KAZN: variants seen among roughly 807,000 people sequenced by gnomAD.
The protein encoded by KAZN is kazrin.
A neutral mutation model predicts 87.4 loss-of-function variants in KAZN; 40 were observed. That is an observed-to-expected ratio of 0.46 (90% CI 0.36 to 0.60). KAZN has a LOEUF of 0.60. Among genes scored for constraint, KAZN ranks in the 20% least tolerant of loss-of-function variants. The probability of loss-of-function intolerance (pLI) is 0.00; values close to 1 mark genes in which losing one functional copy is unlikely to be tolerated. For synonymous variants in KAZN, 466 were observed against 458.3 expected (o/e 1.02, Z -0.22); for missense variants, 898 against 1,073.9 (o/e 0.84, Z 2.29).
intron 1 of KAZN, among the ~76,000 whole-genome samples, chr1:14,102,672 G>A (rs1644283439): frequency 1.3e-5 from 2 of 152,136 alleles, no homozygotes; most frequent in Non-Finnish European, 2.9e-5. Context: ...GCCCTCTATG[G>A]TGAGCTCCGT....
chr1:14,039,934 T>C (rs1461629434), intron 1 of KAZN, among the ~76,000 whole-genome samples: 1 of 152,244 alleles, frequency 6.6e-6, no homozygotes, highest in African/African-American at 2.4e-5. Flanking sequence ...CTAGCAACGA[T>C]ACTGACATGC....
intron 1 of KAZN, among the ~76,000 whole-genome samples, chr1:14,603,088 A>G (rs908659845): frequency 1.3e-5 from 2 of 152,246 alleles, no homozygotes; most frequent in Non-Finnish European, 2.9e-5. Context: ...TGAAGTATAA[A>G]TTACCTTTGG....
intron 2 of KAZN, among the ~76,000 whole-genome samples, chr1:14,455,964 T>A (rs1229907524): frequency 1.3e-5 from 2 of 152,228 alleles, no homozygotes; most frequent in Admixed American, 1.3e-4. Flanking sequence ...ACAAGTCAGA[T>A]GCTATCTCAA....
intron 4 of KAZN, among the ~76,000 whole-genome samples, chr1:15,047,078 T>A (rs1260405691): frequency 1.3e-5 from 2 of 152,206 alleles, no homozygotes; most frequent in African/African-American, 4.8e-5. Context: ...CTGGCAGGCA[T>A]CAGATGCATC....
chr1:14,925,784 C>G (rs1659104249), intron 1 of KAZN, among the ~76,000 whole-genome samples: 1 of 152,194 alleles, frequency 6.6e-6, no homozygotes, highest in East Asian at 1.9e-4. Flanking sequence ...AGATGGAATG[C>G]CGCCTCTGGG....
chr1:14,450,525 G>T (rs919024720), intron 2 of KAZN, among the ~76,000 whole-genome samples: 2 of 152,176 alleles, frequency 1.3e-5, no homozygotes, highest in African/African-American at 4.8e-5. Flanking sequence ...AGGAGGCAGA[G>T]GTTGCAGTGA....
chr1:14,788,284 A>T (rs144368654), intron 1 of KAZN, among the ~76,000 whole-genome samples: 1 of 152,194 alleles, frequency 6.6e-6, no homozygotes, highest in Non-Finnish European at 1.5e-5. Context: ...TCGCTCATCA[A>T]ATTTCTCCCT....
At chr1:14,351,564 C>G (rs948638879) in intron 2 of KAZN, among the ~76,000 whole-genome samples, 4 of 150,468 alleles carry the variant, frequency 2.7e-5, no homozygotes, top group African/African-American at 1.0e-4. Flanking sequence ...GTCTCAAAAA[C>G]AAACAAACAA....
At chr1:15,059,827 A>G (rs1484079964) in intron 5 of KAZN, among the ~76,000 whole-genome samples, 1 of 152,204 alleles carries the variant, frequency 6.6e-6, no homozygotes, top group Non-Finnish European at 1.5e-5. Flanking sequence ...CTGCTTAGAA[A>G]TGAATTTATA....
At chr1:14,835,800 A>T (rs945425878) in intron 1 of KAZN, among the ~76,000 whole-genome samples, 4 of 151,072 alleles carry the variant, frequency 2.6e-5, no homozygotes, top group African/African-American at 9.7e-5. Context: ...TATCCGGGAA[A>T]CACCTCCCAC....
chr1:14,147,259 T>C (rs1341157022), intron 1 of KAZN, among the ~76,000 whole-genome samples: 2 of 152,204 alleles, frequency 1.3e-5, no homozygotes, highest in Non-Finnish European at 1.5e-5. Flanking sequence ...GATTTTCCAC[T>C]GCAAGGGGGT....
intron 2 of KAZN, among the ~76,000 whole-genome samples, chr1:14,466,024 A>G (rs996510858): frequency 2.6e-5 from 4 of 152,212 alleles, no homozygotes; most frequent in African/African-American, 9.6e-5. Context: ...CAGATTTGCA[A>G]CTTAGGCACA....
chr1:14,327,481 G>T (rs894811551), intron 2 of KAZN, among the ~76,000 whole-genome samples: 1 of 152,048 alleles, frequency 6.6e-6, no homozygotes, highest in Non-Finnish European at 1.5e-5. Flanking sequence ...TCTCTCCCTC[G>T]TCTGTTCTCC....
intron 2 of KAZN, among the ~76,000 whole-genome samples, chr1:14,982,047 G>A (rs954730354): frequency 2.0e-5 from 3 of 152,198 alleles, no homozygotes; most frequent in Admixed American, 1.3e-4. Context: ...TGGAGAGCCT[G>A]TGTGCCAGGC....
chr1:14,845,599 A>G (rs1648656892), intron 1 of KAZN, among the ~76,000 whole-genome samples: 1 of 151,996 alleles, frequency 6.6e-6, no homozygotes, highest in Admixed American at 6.6e-5. Flanking sequence ...GGATGGATGG[A>G]GTAAACAATT....
At chr1:15,076,378 G>A (rs190841035) in intron 8 of KAZN, among the ~76,000 whole-genome samples, 16 of 152,316 alleles carry the variant, frequency 1.1e-4, no homozygotes, top group African/African-American at 1.4e-4. Context: ...GAAAGGCCTC[G>A]GCTTCGGAGC....
At chr1:13,949,798 A>G (rs990853029) in intron 1 of KAZN, among the ~76,000 whole-genome samples, 1 of 152,132 alleles carries the variant, frequency 6.6e-6, no homozygotes, top group African/African-American at 2.4e-5. Context: ...GCAGACCCCA[A>G]AGCCCCATTC....
intron 1 of KAZN, among the ~76,000 whole-genome samples, chr1:14,896,643 T>G (rs1348158007): frequency 6.6e-6 from 1 of 152,094 alleles, no homozygotes; most frequent in African/African-American, 2.4e-5. Flanking sequence ...CAGGGCAGCC[T>G]CAAAACTCCC....
chr1:14,044,362 G>T (rs2064324), intron 1 of KAZN, among the ~76,000 whole-genome samples: 1 of 147,014 alleles, frequency 6.8e-6, no homozygotes, highest in Non-Finnish European at 1.5e-5. Flanking sequence ...GTAAATTAAA[G>T]ACACAGGGTA....
Sources: gnomAD v4.1 joint callset for allele counts (sites outside exome capture counted in the v4.1 genomes callset) on GRCh38, gnomAD v4.1.1 for gene constraint, MANE v1.5 for transcripts, NCBI Gene and HGNC (gene_info 2026-07-23, HGNC 2026-07-21) for gene names.